DENND1B: variants seen among roughly 807,000 people sequenced by gnomAD.
DENND1B encodes the protein DENN domain-containing protein 1B.
Under a neutral mutation model 90.1 loss-of-function variants are expected in DENND1B, and 59 were observed. The ratio of observed to expected loss-of-function variants is 0.65; its 90% CI spans 0.53 to 0.81. The LOEUF is 0.81. Among genes scored for constraint, DENND1B ranks in the 40% least tolerant of loss-of-function variants. The probability of loss-of-function intolerance (pLI) is 0.00; values close to 1 mark genes in which losing one functional copy is unlikely to be tolerated. For missense variants in DENND1B, 862 were observed against 912.6 expected (o/e 0.94, Z 0.71); for synonymous variants, 337 against 324.6 (o/e 1.04, Z -0.41).
chr1:197,684,866 C>G (rs1290029922), intron 3 of DENND1B, among the ~76,000 whole-genome samples: 1 of 152,126 alleles, frequency 6.6e-6, no homozygotes, highest in Non-Finnish European at 1.5e-5. Context: ...TGCCTGTAAT[C>G]CCAGCACTCT....
intron 14 of DENND1B, among the ~76,000 whole-genome samples, chr1:197,592,420 T>C (rs1218231991): frequency 6.6e-6 from 1 of 152,134 alleles, no homozygotes; most frequent in Non-Finnish European, 1.5e-5. Context: ...TCAAAAATTA[T>C]GAATATCAGT....
chr1:197,592,421 G>T (rs1027676543), intron 14 of DENND1B, among the ~76,000 whole-genome samples: 1 of 152,088 alleles, frequency 6.6e-6, no homozygotes, highest in Non-Finnish European at 1.5e-5. Context: ...CAAAAATTAT[G>T]AATATCAGTC....
chr1:197,602,116 T>C (rs7544969), intron 13 of DENND1B, among the ~76,000 whole-genome samples: 23,760 of 151,604 alleles, frequency 0.16, 2,144 homozygotes, highest in Non-Finnish European at 0.2. Context: ...ATACTTTATA[T>C]ATACGTCCAG....
intron 3 of DENND1B, among the ~76,000 whole-genome samples, chr1:197,678,607 C>G (rs1365529125): frequency 1.3e-5 from 2 of 152,178 alleles, no homozygotes; most frequent in Non-Finnish European, 2.9e-5. Flanking sequence ...AGCAAACTCT[C>G]AGGGACACCG....
chr1:197,658,198 T>C (rs1654043742), intron 6 of DENND1B, 102 bp downstream of exon 6: 1 of 897,802 alleles, frequency 1.1e-6, no homozygotes, highest in African/African-American at 1.7e-5. Context: ...AACATTAATG[T>C]ACTTAATGTC....
chr1:197,512,148 A>G (rs1006556561), intron 21 of DENND1B, among the ~76,000 whole-genome samples: 8 of 151,878 alleles, frequency 5.3e-5, no homozygotes, highest in Non-Finnish European at 7.4e-5. Flanking sequence ...TAAAAAGTTT[A>G]CGGTACCTTA....
chr1:197,540,916 T>G, intron 19 of DENND1B, 43 bp downstream of exon 19: 1 of 1,556,212 alleles, frequency 6.4e-7, no homozygotes, highest in Admixed American at 1.8e-5. Context: ...TTCAAACTAA[T>G]ACAAGAATCA....
intron 13 of DENND1B, among the ~76,000 whole-genome samples, chr1:197,598,449 T>C (rs546224541): frequency 6.6e-6 from 1 of 151,972 alleles, no homozygotes; most frequent in South Asian, 2.1e-4. Flanking sequence ...CTGGAGTAAA[T>C]TATCACCAGT....
At chr1:197,671,785 T>A (rs1191151121) in intron 5 of DENND1B, among the ~76,000 whole-genome samples, 3 of 152,120 alleles carry the variant, frequency 2.0e-5, no homozygotes, top group Non-Finnish European at 4.4e-5. Context: ...TGAATACATC[T>A]CTTTATATTT....
intron 10 of DENND1B, among the ~76,000 whole-genome samples, chr1:197,623,305 G>A (rs1403191388): frequency 2.0e-5 from 3 of 151,402 alleles, no homozygotes; most frequent in Non-Finnish European, 4.4e-5. Flanking sequence ...AACTGTTGCA[G>A]ATGGGAATGT....
At chr1:197,655,720 G>T (rs1653746481) in intron 6 of DENND1B, among the ~76,000 whole-genome samples, 1 of 152,008 alleles carries the variant, frequency 6.6e-6, no homozygotes, top group Admixed American at 6.6e-5. Context: ...TTTTAGTAGA[G>T]ACGGGGTTTC....
intron 15 of DENND1B, among the ~76,000 whole-genome samples, chr1:197,565,083 C>T (rs1167230364): frequency 6.6e-6 from 1 of 151,962 alleles, no homozygotes; most frequent in Non-Finnish European, 1.5e-5. Context: ...TCTTTCTTAA[C>T]ACTCCAAAAC....
At chr1:197,731,213 A>G (rs1355566174) in intron 2 of DENND1B, among the ~76,000 whole-genome samples, 2 of 152,182 alleles carry the variant, frequency 1.3e-5, no homozygotes, top group South Asian at 2.1e-4. Flanking sequence ...GAGAAGAATT[A>G]TGTCCTTTGG....
chr1:197,746,173 T>C (rs1416820765), intron 2 of DENND1B, among the ~76,000 whole-genome samples: 1 of 152,216 alleles, frequency 6.6e-6, no homozygotes, highest in East Asian at 1.9e-4. Context: ...AGATGGATCA[T>C]ATCAGGCCAG....
chr1:197,536,088 G>A (rs1367801838), intron 20 of DENND1B, among the ~76,000 whole-genome samples: 3 of 150,622 alleles, frequency 2.0e-5, no homozygotes, highest in Non-Finnish European at 3.0e-5. Flanking sequence ...GAGAGGGAGA[G>A]AGGAAAAGAG....
Position 197,510,660 on chromosome 1 carries a change from T to C in DENND1B, c.2128A>G (p.Ile710Val). ...CCGGGTATAAGCAGATCATCTGAAA[T>C]CTGGCTTAGTGTTTCCCTCTTTTCT... ...KTEKRETLSQISDDLLIPGLG... is the reference protein window; with the variant it reads ...KTEKRETLSQVSDDLLIPGLG... The change falls in exon 23 of 23, where the codon ATT becomes GTT. Residue 710 changes from isoleucine to valine, a missense_variant. Physicochemically the swap from Ile to Val is conservative, Grantham distance 29 (BLOSUM62 3). Coordinates refer to ENST00000620048, the MANE Select transcript of DENND1B (RefSeq NM_001195215.2). The C allele has an allele frequency of 6.2e-7, 1 of 1,612,856 alleles. No individual in the cohort carries two copies. Among genetic ancestry groups the C allele is most frequent in the Non-Finnish European group, 8.5e-7 (1 of 1,179,250 alleles).
At chr1:197,631,788 T>C (rs1015042064) in intron 10 of DENND1B, among the ~76,000 whole-genome samples, 5 of 152,038 alleles carry the variant, frequency 3.3e-5, no homozygotes, top group Non-Finnish European at 7.4e-5. Flanking sequence ...CATACATGTG[T>C]ATATTTAGCA....
intron 5 of DENND1B, among the ~76,000 whole-genome samples, chr1:197,669,815 AATAAAAG>A (rs1170593544): frequency 2.0e-5 from 3 of 152,254 alleles, no homozygotes; most frequent in Non-Finnish European, 2.9e-5. Flanking sequence ...CATTATTTTA[AATAAAAG>A]ATAAAATATT....
At chr1:197,546,700 G>A (rs1320702794) in intron 17 of DENND1B, 33 bp downstream of exon 17, 1 of 1,525,468 alleles carries the variant, frequency 6.6e-7, no homozygotes, top group Non-Finnish European at 8.8e-7. Context: ...TTATATTAGA[G>A]TGAAAGAATA....
Sources: gnomAD v4.1 joint callset for allele counts (sites outside exome capture counted in the v4.1 genomes callset) on GRCh38, gnomAD v4.1.1 for gene constraint, MANE v1.5 for transcripts, NCBI Gene and HGNC (gene_info 2026-07-23, HGNC 2026-07-21) for gene names.